Variants in PARPBP observed in about 807,000 individuals in gnomAD.
The protein encoded by PARPBP is PARP1 binding protein, also known as PCNA-interacting partner.
A neutral mutation model predicts 50.0 loss-of-function variants in PARPBP; 52 were observed. The observed-to-expected ratio is 1.04, with a 90% CI of 0.83 to 1.31. The LOEUF (loss-of-function observed/expected upper bound fraction) is 1.31. Among genes scored for constraint, PARPBP ranks in the 50% most tolerant of loss-of-function variants. The pLI is 0.00. For missense variants in PARPBP, 697 were observed against 672.0 expected (o/e 1.04, Z -0.41); for synonymous variants, 244 against 232.1 (o/e 1.05, Z -0.47).
At chr12:102,151,570 G>A in intron 3 of PARPBP, 1 of 1,534,782 alleles carries the variant, frequency 6.5e-7, no homozygotes, top group Non-Finnish European at 8.7e-7. Context: ...TACCTGGCAG[G>A]GGTCAACTAT....
At chr12:102,151,705 T>C (rs1386923666) in intron 3 of PARPBP, 3 of 1,535,566 alleles carry the variant, frequency 2.0e-6, no homozygotes, top group Admixed American at 2.0e-5. Flanking sequence ...CCTCTTAGCA[T>C]GGAGCTGGTC....
At chr12:102,135,536 CA>C (rs34890863) in intron 2 of PARPBP, among the ~76,000 whole-genome samples, 360 of 50,542 alleles carry the variant, frequency 7.1e-3, no homozygotes, top group South Asian at 0.023. Context: ...ACTCCGTCTC[CA>C]AAAAAAAAAA....
At chr12:102,189,757 A>G (rs2137288182) in intron 9 of PARPBP, among the ~76,000 whole-genome samples, 1 of 152,266 alleles carries the variant, frequency 6.6e-6, no homozygotes, top group African/African-American at 2.4e-5. Context: ...GTTGGGGAAG[A>G]TTAAGGACAG....
intron 2 of PARPBP, among the ~76,000 whole-genome samples, chr12:102,137,053 C>A (rs1334659287): frequency 6.6e-6 from 1 of 152,094 alleles, no homozygotes; most frequent in Non-Finnish European, 1.5e-5. Context: ...CTCCTGGGTT[C>A]ATGCCATTCT....
At chr12:102,125,093 G>T (rs60169308) in intron 2 of PARPBP, among the ~76,000 whole-genome samples, 39,413 of 151,950 alleles carry the variant, frequency 0.26, 5,252 homozygotes, top group East Asian at 0.42. Context: ...TTTGAATCTC[G>T]AAAACAATGA....
rs975875730 is a variant in PARPBP at position 102,193,855 on chromosome 12, G to A, written c.1264-1457G>A. On this transcript the variant is annotated intron_variant, in intron 9 of 10. Transcript: ENST00000327680. ...GATTCATGAAGGTAGTGGGTTGTGA[G>A]TCCATTCTGTTCAACTTTTAAAAAA... Among the ~76,000 whole-genome samples the A allele has an allele frequency of 3.9e-5, 6 of 151,960 alleles. No homozygotes were observed. The South Asian group carries it at 1.0e-3, about 26-fold the overall frequency.
At chr12:102,151,969 T>G in intron 3 of PARPBP, 1 of 595,426 alleles carries the variant, frequency 1.7e-6, no homozygotes, top group Non-Finnish European at 3.0e-6. Flanking sequence ...GCTTTTTTTG[T>G]GTACCATGGT....
chr12:102,154,876 G>A (rs1328770862), intron 4 of PARPBP: 1 of 451,706 alleles, frequency 2.2e-6, no homozygotes, highest in Admixed American at 2.4e-5. Flanking sequence ...CTTTTAATAG[G>A]AAGCATTTGC....
chr12:102,155,595 G>GC (rs1565878255), intron 4 of PARPBP, among the ~76,000 whole-genome samples: 3 of 29,162 alleles, frequency 1.0e-4, no homozygotes, highest in African/African-American at 3.6e-4. Flanking sequence ...AGAGCATGGT[G>GC]GGGGGGGGGG....
intron 9 of PARPBP, among the ~76,000 whole-genome samples, chr12:102,194,293 A>G (rs1891063475): frequency 1.3e-5 from 2 of 151,992 alleles, no homozygotes; most frequent in Non-Finnish European, 2.9e-5. Flanking sequence ...TAATGTAGTT[A>G]TACTCGAAGT....
At chr12:102,155,615 A>G (rs1233844836) in intron 4 of PARPBP, among the ~76,000 whole-genome samples, 1 of 146,078 alleles carries the variant, frequency 6.8e-6, no homozygotes, top group African/African-American at 2.5e-5. Flanking sequence ...GGCGGGGACA[A>G]TGATTGGAAT....
intron 2 of PARPBP, among the ~76,000 whole-genome samples, chr12:102,143,581 A>C (rs1459512498): frequency 6.6e-6 from 1 of 152,208 alleles, no homozygotes; most frequent in East Asian, 1.9e-4. Context: ...GGAGCTGTAG[A>C]CTGTAGCTGT....
At chr12:102,144,750 A>C (rs1885131035) in intron 2 of PARPBP, among the ~76,000 whole-genome samples, 1 of 152,204 alleles carries the variant, frequency 6.6e-6, no homozygotes, top group African/African-American at 2.4e-5. Context: ...TTTAGTTTTA[A>C]AACTCTAAAT....
At chr12:102,182,787 CT>C (rs1889958472) in intron 9 of PARPBP, among the ~76,000 whole-genome samples, 160 bp downstream of exon 9, 1 of 152,182 alleles carries the variant, frequency 6.6e-6, no homozygotes, top group African/African-American at 2.4e-5. Context: ...CGTACAGAGA[CT>C]TTCCTTTTAT....
rs531346350 is a variant in PARPBP at position 102,186,770 on chromosome 12, T to C, written c.1263+4143T>C. Among the ~76,000 whole-genome samples the C allele has an allele frequency of 4.6e-5, 7 of 152,284 alleles. No homozygotes were observed. In the South Asian group the frequency reaches 1.4e-3, roughly 32 times the overall value. On this transcript the variant is annotated intron_variant, in intron 9 of 10. Coordinates refer to ENST00000327680, the MANE Select transcript of PARPBP (RefSeq NM_017915.5). ...TTCTGAGTCTAATGTTTATAGCATA[T>C]TATATTGAATGTCTGAGTAATCATC... is the stretch of plus-strand genomic sequence containing the variant.
At chr12:102,149,201 TAATC>T (rs1456159581) in intron 3 of PARPBP, among the ~76,000 whole-genome samples, 2 of 152,240 alleles carry the variant, frequency 1.3e-5, no homozygotes, top group Non-Finnish European at 2.9e-5. Context: ...TTTTGTAAGA[TAATC>T]AATTATTTTA....
At chr12:102,164,106 A>G (rs1359529737) in intron 4 of PARPBP, among the ~76,000 whole-genome samples, 1 of 152,120 alleles carries the variant, frequency 6.6e-6, no homozygotes, top group Non-Finnish European at 1.5e-5. Flanking sequence ...TGGGCAACTG[A>G]CTTGCCTGAA....
At chr12:102,132,623 T>G (rs1450098308) in intron 2 of PARPBP, among the ~76,000 whole-genome samples, 1 of 152,168 alleles carries the variant, frequency 6.6e-6, no homozygotes, top group Non-Finnish European at 1.5e-5. Context: ...CTCAAGATTG[T>G]TTTTGCTGTT....
Position 102,195,986 on chromosome 12 carries a change from G to A in PARPBP, c.1435G>A (p.Gly479Arg), listed in dbSNP as rs762610168. 6.8e-6 allele frequency: 11 copies of A among 1,605,904 alleles called. No homozygotes were observed. The highest frequency in any genetic ancestry group is 9.3e-6 in the Non-Finnish European group (11 of 1,176,530). ...TCCATCTGTTGGAAGATCAACAATT[G>A]GAACGAGTTTTGGAAATGTTCATCT... ...VNPSVGRSTI[G>R]TSFGNVHLDR... The change falls in exon 11 of 11, where the codon GGA becomes AGA. Residue 479 changes from glycine (G) to arginine (R), a missense_variant. Transcript: ENST00000327680.
Sources: allele counts gnomAD v4.1 joint callset (sites outside exome capture counted in the v4.1 genomes callset), GRCh38; gene constraint gnomAD v4.1.1; transcripts MANE v1.5; gene names NCBI Gene and HGNC (gene_info 2026-07-23, HGNC 2026-07-21).